The following BMP7 variants were observed in gnomAD, a reference collection of about 807,000 sequenced individuals.
BMP7 encodes the protein osteogenic protein 1.
Under a neutral mutation model 41.2 loss-of-function variants are expected in BMP7, and 12 were observed. The observed-to-expected ratio is 0.29, with a 90% CI of 0.19 to 0.47. BMP7 has a LOEUF of 0.47. Ranked by LOEUF, BMP7 falls within the 20% of genes least tolerant of loss-of-function variation. The pLI is 0.99. For missense variants in BMP7, 467 were observed against 606.0 expected, an observed-to-expected ratio of 0.77 and a Z score of 2.41; for synonymous variants, 248 against 250.0, an observed-to-expected ratio of 0.99 and a Z score of 0.07.
intron 4 of BMP7, 100 bp from the exon 5 acceptor site, chr20:57,175,107 T>C: frequency 1.6e-6 from 2 of 1,247,988 alleles, no homozygotes; most frequent in Non-Finnish European, 2.3e-6. Context: ...TGAACAGCAA[T>C]GAAGCACAGA....
chr20:57,251,945 GCAAAA>G (rs1011413378), intron 1 of BMP7, among the ~76,000 whole-genome samples: 42 of 152,120 alleles, frequency 2.8e-4, no homozygotes, highest in Middle Eastern at 3.4e-3. Context: ...AAAAAACAAA[GCAAAA>G]CAAAACAAAA....
In BMP7 at chr20:57,266,042, G is replaced by C. The variant is rs1298086615; in HGVS notation, c.81C>G (p.Ala27=). ...CGTTGTCCAGGCTGAAGTCGGCCAG[G>C]GCGGAGCGCAGCAGGAACAGGGGTG... The part of the protein sequence containing the change: ...LWAPLFLLRS[A]LADFSLDNEV... The change falls in exon 1 of 7, where the codon GCC becomes GCG. Residue 27 remains alanine, a synonymous_variant. Coordinates refer to ENST00000395863, the MANE Select transcript of BMP7 (RefSeq NM_001719.3). 5.2e-6 allele frequency: 8 copies of C among 1,544,672 alleles called. No homozygotes were observed. Among genetic ancestry groups the C allele is most frequent in the Non-Finnish European group, 7.0e-6 (8 of 1,146,860 alleles).
At chr20:57,198,111 T>TCTCCTCTCCTCTCCC (rs1282257453) in intron 3 of BMP7, among the ~76,000 whole-genome samples, 2 of 135,018 alleles carry the variant, frequency 1.5e-5, no homozygotes, top group East Asian at 4.5e-4. Context: ...CTCCTCTTGC[T>TCTCCTCTCCTCTCCC]CTCCTCTCCT....
chr20:57,177,198 G>A (rs1396809307), intron 4 of BMP7, among the ~76,000 whole-genome samples: 1 of 152,204 alleles, frequency 6.6e-6, no homozygotes, highest in African/African-American at 2.4e-5. Context: ...AAGCAGAAAG[G>A]AGAAAGAAGA....
At chr20:57,210,420 C>G (rs779834274) in intron 2 of BMP7, among the ~76,000 whole-genome samples, 1 of 152,202 alleles carries the variant, frequency 6.6e-6, no homozygotes, top group East Asian at 1.9e-4. Context: ...AAATCTCAAA[C>G]GTGGGAAGGC....
rs567234114 is a variant in BMP7 at position 57,174,863 on chromosome 20, G to A, written c.1035+68C>T. ...GAGATGAGAAACAAGACTGAGCACA[G>A]ACCCGCTGCCTCGTGGGAGCCCACG... is the stretch of plus-strand genomic sequence containing the variant. On this transcript the variant is annotated intron_variant, in intron 5 of 6. Transcript: ENST00000395863. This position sits in a 1 kb window ranked among gnomAD's most constrained non-coding sequence, Gnocchi z 4.3. The A allele has an allele frequency of 3.3e-6, 5 of 1,502,508 alleles. No homozygotes were observed. In the South Asian group the frequency reaches 5.9e-5, roughly 18 times the overall value. The allele number at this position is 1,502,508 out of a possible 1,614,324, so 93.1% of individuals were successfully genotyped here. A position where few individuals can be genotyped will look rare whatever the true frequency, so the allele number is the denominator to read the frequency against.
chr20:57,181,438 G>C (rs1984076799), intron 4 of BMP7, among the ~76,000 whole-genome samples: 1 of 149,988 alleles, frequency 6.7e-6, no homozygotes, highest in African/African-American at 2.5e-5. Context: ...CAAGGCTACA[G>C]TAAGCCATGC....
intron 4 of BMP7, among the ~76,000 whole-genome samples, chr20:57,182,682 C>T: frequency 6.6e-6 from 1 of 152,216 alleles, no homozygotes; most frequent in East Asian, 1.9e-4. Flanking sequence ...CAGTTTTCCC[C>T]TCTGTGAAGT....
intron 3 of BMP7, among the ~76,000 whole-genome samples, chr20:57,187,328 C>G (rs1476045683): frequency 6.6e-6 from 1 of 152,198 alleles, no homozygotes; most frequent in Non-Finnish European, 1.5e-5. Flanking sequence ...CCCCCCTTTC[C>G]GTGATAGCCA....
chr20:57,219,243 TTGCTGGTAGCTGG>T lies in BMP7; in HGVS notation c.611+8973_611+8985del, dbSNP rs1985126736. The stretch of plus-strand genomic sequence containing the variant: ...GGTGGTGTTTGGTGGTAGCTGGTGT[TTGCTGGTAGCTGG>T]TGTTTGCTGGTAGGTGGTGTTTGGT... On this transcript the variant is annotated intron_variant, in intron 2 of 6. Coordinates refer to ENST00000395863, the MANE Select transcript of BMP7 (RefSeq NM_001719.3). Among the ~76,000 whole-genome samples the T allele has an allele frequency of 2.3e-5, 3 of 128,414 alleles. 1 individual carries two copies. The highest frequency in any genetic ancestry group is 1.5e-4 in the African/African-American group (3 of 19,386). The allele number at this position is 128,414 out of a possible 152,430, so 84.2% of individuals were successfully genotyped here.
intron 3 of BMP7, among the ~76,000 whole-genome samples, chr20:57,184,807 G>T (rs1984173900): frequency 6.6e-6 from 1 of 152,168 alleles, no homozygotes; most frequent in East Asian, 1.9e-4. Flanking sequence ...GCCAAAGATT[G>T]CCAGGAGCCT....
intron 3 of BMP7, among the ~76,000 whole-genome samples, chr20:57,196,619 C>T (rs886872004): frequency 1.3e-5 from 2 of 152,162 alleles, no homozygotes; most frequent in Non-Finnish European, 2.9e-5. Context: ...ATTCATCATT[C>T]ACTCCCCATG....
chr20:57,174,842 T>G lies in BMP7; in HGVS notation c.1035+89A>C. On this transcript the variant is annotated intron_variant, in intron 5 of 6. Transcript: ENST00000395863. This position sits in a 1 kb window ranked among gnomAD's most constrained non-coding sequence, Gnocchi z 4.3. ...ATACTGGAGTCTTAACTGGCAGAGA[T>G]GAGAAACAAGACTGAGCACAGACCC... 3.9e-4 allele frequency: 552 copies of G among 1,406,298 alleles called. No individual in the cohort carries two copies. Among genetic ancestry groups the G allele is most frequent in the Non-Finnish European group, 4.9e-4 (501 of 1,023,862 alleles). The allele number at this position is 1,406,298 out of a possible 1,614,324, so 87.1% of individuals were successfully genotyped here. A position where few individuals can be genotyped will look rare whatever the true frequency, so the allele number is the denominator to read the frequency against.
Position 57,265,899 on chromosome 20 carries a change from T to A in BMP7, c.224A>T (p.Lys75Met). 1 of 1,594,806 alleles carries A rather than the reference T, an allele frequency of 6.3e-7. No homozygotes were observed. Among genetic ancestry groups the A allele is most frequent in the Non-Finnish European group, 8.5e-7 (1 of 1,170,682 alleles). The part of the protein sequence containing the change: ...PHRPRPHLQG[K>M]HNSAPMFMLD... The stretch of plus-strand genomic sequence containing the variant: ...CATGAACATGGGTGCCGAGTTGTGC[T>A]TGCCCTGGAGGTGCGGGCGCGGGCG... The change falls in exon 1 of 7, where the codon AAG becomes ATG. Residue 75 changes from lysine to methionine, a missense_variant. This residue lies in a region of BMP7 where 407 missense variants were observed against 485.9 expected (regional missense o/e 0.84). Coordinates refer to ENST00000395863, the MANE Select transcript of BMP7 (RefSeq NM_001719.3).
chr20:57,180,334 C>T (rs1349186784), intron 4 of BMP7, among the ~76,000 whole-genome samples: 1 of 151,778 alleles, frequency 6.6e-6, no homozygotes, highest in Non-Finnish European at 1.5e-5. Context: ...TCCCCACTCC[C>T]CAAAGGCGCC....
intron 2 of BMP7, among the ~76,000 whole-genome samples, chr20:57,222,803 C>G (rs1446993166): frequency 7.0e-6 from 1 of 142,284 alleles, no homozygotes; most frequent in East Asian, 2.0e-4. Context: ...AGGAAACAGG[C>G]ATGTAGCCTT....
chr20:57,252,010 T>A (rs2066115722), intron 1 of BMP7, among the ~76,000 whole-genome samples: 1 of 152,144 alleles, frequency 6.6e-6, no homozygotes, highest in Non-Finnish European at 1.5e-5. Context: ...ACATAGCGTG[T>A]GGAAAGCAGG....
At position 57,228,532 on chromosome 20, in the gene BMP7, T is replaced by C. The variant is rs2066016979; in HGVS notation, c.419-111A>G. 8 of 1,319,392 alleles carry C rather than the reference T, an allele frequency of 6.1e-6. No individual in the cohort carries two copies. The Admixed American group carries it at 1.4e-4, about 23-fold the overall frequency. The allele number at this position is 1,319,392 out of a possible 1,614,324, so 81.7% of individuals were successfully genotyped here. A position where few individuals can be genotyped will look rare whatever the true frequency, so the allele number is the denominator to read the frequency against. The stretch of plus-strand genomic sequence containing the variant: ...CCTAAGCTAGATGGAGGCATGCCCA[T>C]TGCCAGTGACCCCAGTGACAACTGC... On this transcript the variant is annotated intron_variant, in intron 1 of 6. Transcript: ENST00000395863. This position sits in a 1 kb window ranked among gnomAD's most constrained non-coding sequence, Gnocchi z 4.5.
At chr20:57,230,098 C>A (rs2066023353) in intron 1 of BMP7, among the ~76,000 whole-genome samples, 1 of 152,118 alleles carries the variant, frequency 6.6e-6, no homozygotes, top group African/African-American at 2.4e-5. Context: ...GAATCCTGGG[C>A]CATATATGGA....
Sources: allele counts gnomAD v4.1 joint callset (sites outside exome capture counted in the v4.1 genomes callset), GRCh38; gene constraint gnomAD v4.1.1; regional missense constraint gnomAD v4.1.1; non-coding constraint Gnocchi (gnomAD v3.1); transcripts MANE v1.5; gene names NCBI Gene and HGNC (gene_info 2026-07-23, HGNC 2026-07-21).